ROBO3: variants seen among roughly 807,000 people sequenced by gnomAD.
ROBO3 encodes roundabout guidance receptor 3.
Under a neutral mutation model 160.5 loss-of-function variants are expected in ROBO3, and 97 were observed. The ratio of observed to expected loss-of-function variants is 0.60; its 90% CI spans 0.51 to 0.72. The LOEUF is 0.72. ROBO3 is among the 30% of genes least tolerant of loss of function. The pLI, the probability that ROBO3 is intolerant of heterozygous loss-of-function variation, is 0.00. For synonymous variants in ROBO3, 780 were observed against 746.2 expected, an observed-to-expected ratio of 1.05 and a Z score of -0.74; for missense variants, 1,858 against 1,846.5, an observed-to-expected ratio of 1.01 and a Z score of -0.11.
At position 124,875,204 on chromosome 11, in the gene ROBO3, T is replaced by A. The variant is rs1946337371; in HGVS notation, c.2167T>A (p.Ser723Thr). 3 of 1,613,534 alleles carry A rather than the reference T, an allele frequency of 1.9e-6. No individual in the cohort carries two copies. The Admixed American group carries it at 5.0e-5, about 27-fold the overall frequency. ...GGSWTMLDLQ[S>T]PSQQSTVLRG... is the part of the protein sequence containing the mutation. The stretch of plus-strand genomic sequence containing the variant: ...AAGCTGGACAATGTTGGACCTACAG[T>A]CCCCAAGCCAGCAAAGTACTGTGCT... Residue 723 changes from serine (S) to threonine (T), a missense_variant, in exon 14 of 28, where the codon TCC becomes ACC. Physicochemically the swap from Ser to Thr is moderately conservative, Grantham distance 58 (BLOSUM62 1). Transcript: ENST00000397801.
chr11:124,865,694 G>T lies in ROBO3; in HGVS notation c.117G>T (p.Ala39=). ...LLLGFNSSLA[A]LNHTLLPPGD... ...TGGGCTTCAACTCCTCGCTGGCGGCGCTCAACCACACCCTGCTGCCTCCCG... is the reference window on the plus strand; with the variant it reads ...TGGGCTTCAACTCCTCGCTGGCGGCTCTCAACCACACCCTGCTGCCTCCCG... The change falls in exon 1 of 28, where the codon GCG becomes GCT. Residue 39 remains alanine, a synonymous_variant. Coordinates refer to ENST00000397801, the MANE Select transcript of ROBO3 (RefSeq NM_022370.4). This position sits in a 1 kb window ranked among gnomAD's most constrained non-coding sequence, Gnocchi z 5.5. 2 of 1,611,366 alleles carry T rather than the reference G, an allele frequency of 1.2e-6. No individual in the cohort carries two copies.
chr11:124,866,964 G>A (rs1946205366), intron 1 of ROBO3, among the ~76,000 whole-genome samples: 1 of 152,116 alleles, frequency 6.6e-6, no homozygotes, highest in African/African-American at 2.4e-5. Context: ...CACCTAGCGC[G>A]TTTACAGAGT....
Position 124,865,584 on chromosome 11 carries a change from C to T in ROBO3, c.7C>T (p.Arg3Cys), listed in dbSNP as rs1476674503. 1 of 1,611,502 alleles carries T rather than the reference C, an allele frequency of 6.2e-7. No individual in the cohort carries two copies. The highest frequency in any genetic ancestry group is 8.5e-7 in the Non-Finnish European group (1 of 1,179,682). ML[R>C]YLLKTLLQMN... ...ATCCCAGCTGGGTCGAGCCATGCTG[C>T]GCTACCTGCTGAAAACGCTGCTGCA... Residue 3 changes from arginine (R) to cysteine (C), a missense_variant, in exon 1 of 28, where the codon CGC becomes TGC. Transcript: ENST00000397801. This position sits in a 1 kb window ranked among gnomAD's most constrained non-coding sequence, Gnocchi z 5.5.
rs1244265431 is a variant in ROBO3, at chr11:124,869,075, C to G, written c.434C>G (p.Ala145Gly). The G allele has an allele frequency of 1.9e-6, 3 of 1,596,846 alleles. No individual in the cohort carries two copies. The African/African-American group carries it at 4.0e-5, about 21-fold the overall frequency. Residue 145 changes from alanine to glycine, a missense_variant, in exon 2 of 28, where the codon GCT becomes GGT. Physicochemically the swap from Ala to Gly is moderately conservative, Grantham distance 60 (BLOSUM62 0). Transcript: ENST00000397801. This position sits in a 1 kb window ranked among gnomAD's most constrained non-coding sequence, Gnocchi z 4.2. The part of the protein sequence containing the change: ...RPDEGVYTCV[A>G]RNYLGAAASR... ...GACGAAGGTGTCTACACTTGCGTGG[C>G]TCGCAACTACCTGGGGGCAGCAGCG...
At position 124,879,579 on chromosome 11, in the gene ROBO3, AG is replaced by A. The variant is rs746153905; in HGVS notation, c.3796+10del. The stretch of plus-strand genomic sequence containing the variant: ...AGGAGGGAGAACAGTCCTGGGGGTG[AG>A]GGGGGATGCACCTGGGAGATGGTGA... On this transcript the variant is annotated splice_donor_5th_base_variant and intron_variant, in intron 25 of 27. Transcript: ENST00000397801. 1.9e-6 allele frequency: 3 copies of A among 1,608,300 alleles called. No individual in the cohort carries two copies. Among genetic ancestry groups the A allele is most frequent in the African/African-American group, 1.3e-5 (1 of 74,582 alleles).
rs1591520101 is a variant in ROBO3, at chr11:124,878,567, T to C, written c.3321-17T>C. On this transcript the variant is annotated splice_polypyrimidine_tract_variant and intron_variant, in intron 22 of 27. Transcript: ENST00000397801. The surrounding 1 kb of genome is among the most constrained non-coding windows in gnomAD (Gnocchi z 4.3). ...GCAGCTGAGCCCTTTCCTTCTCTCC[T>C]GCCTCTTTGATCCCAGCTCAGAGCC... The C allele has an allele frequency of 1.2e-6, 2 of 1,608,310 alleles. No homozygotes were observed.
chr11:124,879,655 TGGA>T lies in ROBO3; in HGVS notation c.3796+86_3796+88del, dbSNP rs747428868. 77 of 1,520,164 alleles carry T rather than the reference TGGA, an allele frequency of 5.1e-5. No individual in the cohort carries two copies. In the East Asian group the frequency reaches 5.2e-4, roughly 10 times the overall value. 94.2% of individuals were successfully genotyped at this position (1,520,164 alleles called of 1,614,324 possible). On this transcript the variant is annotated intron_variant, in intron 25 of 27. Coordinates refer to ENST00000397801, the MANE Select transcript of ROBO3 (RefSeq NM_022370.4). ...GAAACCAAGGGTGCACTCTGGGGGCTGGAGGAGGGAACAGGTGAACCCCAATCT... is the reference window on the plus strand; with the variant it reads ...GAAACCAAGGGTGCACTCTGGGGGCTGGAGGGAACAGGTGAACCCCAATCT...
At position 124,874,237 on chromosome 11, in the gene ROBO3, G is replaced by C; in HGVS notation, c.1951+1G>C. 6.2e-7 allele frequency: 1 copy of C among 1,611,158 alleles called. No homozygotes were observed. The highest frequency in any genetic ancestry group is 8.5e-7 in the Non-Finnish European group (1 of 1,177,946). On this transcript the variant is annotated splice_donor_variant, in intron 12 of 27. Coordinates refer to ENST00000397801, the MANE Select transcript of ROBO3 (RefSeq NM_022370.4). LOFTEE classifies it high-confidence loss of function. Reference sequence around the variant, plus strand: ...GTCTCTGAGCCTGTCCGTACACAGGGTAAGGTCAGAGTCCCTGGGCTCATG... The same window carrying C: ...GTCTCTGAGCCTGTCCGTACACAGGCTAAGGTCAGAGTCCCTGGGCTCATG...
In ROBO3 at chr11:124,879,296, C is replaced by T; in HGVS notation, c.3640C>T (p.His1214Tyr). 1.2e-6 allele frequency: 2 copies of T among 1,604,748 alleles called. No individual in the cohort carries two copies. Among genetic ancestry groups the T allele is most frequent in the Non-Finnish European group, 1.7e-6 (2 of 1,176,236 alleles). The change falls in exon 24 of 28, where the codon CAC becomes TAC. Residue 1214 changes from histidine to tyrosine, a missense_variant. Transcript: ENST00000397801. ...GGGTGCTGGCCCTGCAGCCTCACCC[C>T]ACCTCAGCCCCAGTCCTGCCCCTAG... ...GLGAGPAASP[H>Y]LSPSPAPSTA...
In ROBO3 at chr11:124,878,226, T is replaced by C; in HGVS notation, c.3182-72T>C. 2 of 1,585,770 alleles carry C rather than the reference T, an allele frequency of 1.3e-6. No homozygotes were observed. The highest frequency in any genetic ancestry group is 1.7e-6 in the Non-Finnish European group (2 of 1,162,420). ...GACCCTCTGGCACCTAGCCCGGCAC[T>C]TCCTTCTGACCTGTCTCATCTCTGG... On this transcript the variant is annotated intron_variant, in intron 21 of 27. Coordinates refer to ENST00000397801, the MANE Select transcript of ROBO3 (RefSeq NM_022370.4). The surrounding 1 kb of genome is among the most constrained non-coding windows in gnomAD (Gnocchi z 4.3).
Position 124,873,285 on chromosome 11 carries a change from G to C in ROBO3, c.1537-25G>C, listed in dbSNP as rs768163467. On this transcript the variant is annotated intron_variant, in intron 9 of 27. Coordinates refer to ENST00000397801, the MANE Select transcript of ROBO3 (RefSeq NM_022370.4). The surrounding 1 kb of genome is among the most constrained non-coding windows in gnomAD (Gnocchi z 4.5). ...CTGGATCTTGCTCCACTCTCAGTTT[G>C]CCAGTGCTCTGCCCTCTCTTCCAGG... is the stretch of plus-strand genomic sequence containing the variant. 6.3e-7 allele frequency: 1 copy of C among 1,592,578 alleles called. No individual in the cohort carries two copies. Among genetic ancestry groups the C allele is most frequent in the East Asian group, 2.3e-5 (1 of 44,238 alleles).
In ROBO3 at chr11:124,880,584, A is replaced by G; in HGVS notation, c.4125A>G (p.Gln1375=). 1 of 1,550,960 alleles carries G rather than the reference A, an allele frequency of 6.4e-7. No individual in the cohort carries two copies. The highest frequency in any genetic ancestry group is 8.7e-7 in the Non-Finnish European group (1 of 1,147,130). The change falls in exon 27 of 28, where the codon CAA becomes CAG. Residue 1375 remains glutamine (Q), a synonymous_variant. Transcript: ENST00000397801. ...RSRSQSRSQS[Q]RPGQKRREEP... ...GGAGTCAGAGCCGGAGCCAGAGCCA[A>G]AGGCCAGGACAGAAACGCCGAGAGG... is the stretch of plus-strand genomic sequence containing the variant.
chr11:124,874,001 G>T, intron 11 of ROBO3, 69 bp from the exon 12 acceptor site: 1 of 1,598,092 alleles, frequency 6.3e-7, no homozygotes, highest in Non-Finnish European at 8.6e-7. Context: ...CATAGAGAGT[G>T]GATGAGATGG....
chr11:124,875,187 C>T lies in ROBO3; in HGVS notation c.2150C>T (p.Thr717Ile), dbSNP rs754201881. 3 of 1,613,754 alleles carry T rather than the reference C, an allele frequency of 1.9e-6. No individual in the cohort carries two copies. Among genetic ancestry groups the T allele is most frequent in the Non-Finnish European group, 2.5e-6 (3 of 1,179,864 alleles). ...GCAGGCCCTGAGGGAGGAAGCTGGA[C>T]AATGTTGGACCTACAGTCCCCAAGC... ...RVAGPEGGSWTMLDLQSPSQQ... is the reference protein window; with the variant it reads ...RVAGPEGGSWIMLDLQSPSQQ... The change falls in exon 14 of 28, where the codon ACA becomes ATA. Residue 717 changes from threonine (T) to isoleucine (I), a missense_variant. By Grantham distance (89) the Thr-to-Ile change is moderately conservative. Coordinates refer to ENST00000397801, the MANE Select transcript of ROBO3 (RefSeq NM_022370.4).
rs1946463979 is a variant in ROBO3, at chr11:124,878,496, G to A, written c.3320+60G>A. 1.9e-6 allele frequency: 3 copies of A among 1,602,484 alleles called. No homozygotes were observed. Among genetic ancestry groups the A allele is most frequent in the Non-Finnish European group, 8.5e-7 (1 of 1,172,786 alleles). On this transcript the variant is annotated intron_variant, in intron 22 of 27. Coordinates refer to ENST00000397801, the MANE Select transcript of ROBO3 (RefSeq NM_022370.4). This position sits in a 1 kb window ranked among gnomAD's most constrained non-coding sequence, Gnocchi z 4.3. Reference sequence around the variant, plus strand: ...TGCGGCCAGACCATGGGCTGCTGGGGAGGAAGGGGAGGGGGCAGCAGGAAG... The same window carrying A: ...TGCGGCCAGACCATGGGCTGCTGGGAAGGAAGGGGAGGGGGCAGCAGGAAG...
chr11:124,872,808 C>T lies in ROBO3; in HGVS notation c.1331-76C>T. The stretch of plus-strand genomic sequence containing the variant: ...GGCTGGGGTAGGGAGGGTGAAGGAG[C>T]AGAGAATGAGGACAAGGGGCTGCCC... On this transcript the variant is annotated intron_variant, in intron 8 of 27. Transcript: ENST00000397801. The surrounding 1 kb of genome is among the most constrained non-coding windows in gnomAD (Gnocchi z 4.3). The T allele has an allele frequency of 7.9e-7, 1 of 1,261,696 alleles. No homozygotes were observed. The highest frequency in any genetic ancestry group is 1.1e-6 in the Non-Finnish European group (1 of 927,974). 78.2% of individuals were successfully genotyped at this position (1,261,696 alleles called of 1,614,324 possible).
Position 124,878,211 on chromosome 11 carries a change from C to T in ROBO3, c.3181+80C>T, listed in dbSNP as rs1946453344. ...AGGATCCTCCTCCCTGACCCTCTGG[C>T]ACCTAGCCCGGCACTTCCTTCTGAC... On this transcript the variant is annotated intron_variant, in intron 21 of 27. Coordinates refer to ENST00000397801, the MANE Select transcript of ROBO3 (RefSeq NM_022370.4). This position sits in a 1 kb window ranked among gnomAD's most constrained non-coding sequence, Gnocchi z 4.3. 2.5e-6 allele frequency: 4 copies of T among 1,572,134 alleles called. No individual in the cohort carries two copies. Among genetic ancestry groups the T allele is most frequent in the Middle Eastern group, 1.7e-4 (1 of 5,970 alleles).
rs746461162 is a variant in ROBO3 at position 124,879,369 on chromosome 11, C to T, written c.3685+28C>T. 4 of 1,606,480 alleles carry T rather than the reference C, an allele frequency of 2.5e-6. No homozygotes were observed. In the Middle Eastern group the frequency reaches 5.0e-4, roughly 199 times the overall value. Reference sequence around the variant, plus strand: ...AAGTCTCTACAACCTCCTTTTGCCCCCCGGCTCCCTCCAGTGCTTGCTTCC... The same window carrying T: ...AAGTCTCTACAACCTCCTTTTGCCCTCCGGCTCCCTCCAGTGCTTGCTTCC... On this transcript the variant is annotated intron_variant, in intron 24 of 27. Coordinates refer to ENST00000397801, the MANE Select transcript of ROBO3 (RefSeq NM_022370.4).
Position 124,873,062 on chromosome 11 carries a change from C to T in ROBO3, c.1509C>T (p.Asn503=), listed in dbSNP as rs776300619. The T allele has an allele frequency of 3.2e-5, 52 of 1,613,692 alleles. No individual in the cohort carries two copies. Among genetic ancestry groups the T allele is most frequent in the Admixed American group, 2.3e-4 (14 of 59,984 alleles). ...GDDLQFKTMA[N]GTLYIANVQE... is the part of the protein sequence containing the mutation. ...ACCTCCAGTTCAAGACAATGGCCAA[C>T]GGTACCCTGTACATCGCCAATGTGC... Residue 503 remains asparagine, a synonymous_variant, in exon 9 of 28, where the codon AAC becomes AAT. Transcript: ENST00000397801. The surrounding 1 kb of genome is among the most constrained non-coding windows in gnomAD (Gnocchi z 4.5).
Sources: allele counts gnomAD v4.1 joint callset (sites outside exome capture counted in the v4.1 genomes callset), GRCh38; gene constraint gnomAD v4.1.1; non-coding constraint Gnocchi (gnomAD v3.1); transcripts MANE v1.5; gene names NCBI Gene and HGNC (gene_info 2026-07-23, HGNC 2026-07-21).